Variants in CDC26 observed in about 807,000 individuals in gnomAD.
CDC26 encodes anaphase-promoting complex subunit CDC26.
CDC26 carries 2 observed loss-of-function variants against 8.0 expected under a neutral mutation model. The ratio of observed to expected loss-of-function variants is 0.25; its 90% CI spans 0.10 to 0.79. The LOEUF (loss-of-function observed/expected upper bound fraction) is 0.79, where lower values mean the gene tolerates loss of function less well. CDC26 is among the 30% of genes least tolerant of loss of function. CDC26 has a pLI of 0.70. For synonymous variants in CDC26, 19 were observed against 34.9 expected, an observed-to-expected ratio of 0.55 and a Z score of 1.60; for missense variants, 68 against 106.0, an observed-to-expected ratio of 0.64 and a Z score of 1.57.
chr9:113,272,555 A>G lies in CDC26; in HGVS notation c.-41-7T>C. The G allele has an allele frequency of 1.4e-6, 2 of 1,403,926 alleles. No individual in the cohort carries two copies. The highest frequency in any genetic ancestry group is 2.0e-6 in the Non-Finnish European group (2 of 991,888). 87.0% of individuals were successfully genotyped at this position (1,403,926 alleles called of 1,614,324 possible). On this transcript the variant is annotated splice_polypyrimidine_tract_variant and splice_region_variant and intron_variant, in intron 2 of 3. Transcript: ENST00000374206. The stretch of plus-strand genomic sequence containing the variant: ...AAACCCAGTGAACTATTAGCTGTTA[A>G]AAATGAAAGAGAGGAGGAAAATCTG...
intron 3 of CDC26, among the ~76,000 whole-genome samples, chr9:113,268,281 G>C (rs943475855): frequency 6.6e-6 from 1 of 152,182 alleles, no homozygotes; most frequent in Non-Finnish European, 1.5e-5. Context: ...TAGCCTGACT[G>C]ATCCCATGAG....
Position 113,267,324 on chromosome 9 carries a change from C to A in CDC26, c.197G>T (p.Gly66Val). The A allele has an allele frequency of 1.3e-6, 2 of 1,594,142 alleles. No individual in the cohort carries two copies. The highest frequency in any genetic ancestry group is 1.7e-6 in the Non-Finnish European group (2 of 1,170,616). The stretch of plus-strand genomic sequence containing the variant: ...ATTGGGCTTGGGTTGGGGTTTATAA[C>A]CAATCCGATCATTGATCATTTGTTC... ...SREQMINDRIGYKPQPKPNNR... is the reference protein window; with the variant it reads ...SREQMINDRIVYKPQPKPNNR... The change falls in exon 4 of 4, where the codon GGT becomes GTT. Residue 66 changes from glycine (G) to valine (V), a missense_variant. Coordinates refer to ENST00000374206, the MANE Select transcript of CDC26 (RefSeq NM_139286.4).
chr9:113,275,402 C>A lies in CDC26; in HGVS notation c.-172G>T, dbSNP rs985309350. The A allele has an allele frequency of 3.8e-5, 11 of 285,760 alleles. No individual in the cohort carries two copies. The South Asian group carries it at 7.9e-4, about 20-fold the overall frequency. 17.7% of individuals were successfully genotyped at this position (285,760 alleles called of 1,614,324 possible). On this transcript the variant is annotated 5_prime_UTR_variant, in exon 1 of 4. Coordinates refer to ENST00000374206, the MANE Select transcript of CDC26 (RefSeq NM_139286.4). ...CCTACCTCTTTTCAAGCCGGCCTAGCCCCTTCCCGGAACCTCGGCTCCCCC... is the reference window on the plus strand; with the variant it reads ...CCTACCTCTTTTCAAGCCGGCCTAGACCCTTCCCGGAACCTCGGCTCCCCC...
At chr9:113,268,784 C>A (rs1341615982) in intron 3 of CDC26, among the ~76,000 whole-genome samples, 6 of 151,976 alleles carry the variant, frequency 3.9e-5, no homozygotes, top group Admixed American at 3.9e-4. Context: ...TAGACTGAGT[C>A]TCTGTCTGTT....
chr9:113,267,911 AG>A (rs1401483299), intron 3 of CDC26, among the ~76,000 whole-genome samples: 1 of 152,134 alleles, frequency 6.6e-6, no homozygotes, highest in African/African-American at 2.4e-5. Context: ...CGCTTGAACC[AG>A]GAAGTCGGAG....
At chr9:113,274,537 A>C (rs560954830) in intron 1 of CDC26, among the ~76,000 whole-genome samples, 1 of 131,836 alleles carries the variant, frequency 7.6e-6, no homozygotes, top group African/African-American at 2.5e-5. Flanking sequence ...TAAAAGGGGG[A>C]AAAAAAAATC....
At chr9:113,275,270 CG>C (rs1832044798) in intron 1 of CDC26, 111 bp downstream of exon 1, 1 of 155,042 alleles carries the variant, frequency 6.4e-6, no homozygotes, top group Admixed American at 6.5e-5. Context: ...ACATGGTCCT[CG>C]GCTCCAAGAA....
intron 2 of CDC26, 138 bp from the exon 3 acceptor site, chr9:113,272,686 A>G (rs915636526): frequency 3.8e-6 from 2 of 527,242 alleles, no homozygotes; most frequent in Non-Finnish European, 6.7e-6. Flanking sequence ...ATAGACTTCT[A>G]AAGTCTTTTT....
intron 3 of CDC26, 151 bp from the exon 4 acceptor site, chr9:113,267,590 G>A (rs1831883121): frequency 1.9e-6 from 2 of 1,029,110 alleles, no homozygotes; most frequent in Admixed American, 2.8e-5. Flanking sequence ...GAGTACTTAG[G>A]GGCACAATGA....
chr9:113,274,766 A>C (rs1351419412), intron 1 of CDC26, among the ~76,000 whole-genome samples: 1 of 152,236 alleles, frequency 6.6e-6, no homozygotes, highest in East Asian at 1.9e-4. Context: ...AATACAGAGT[A>C]AGCTCTTGGA....
rs1832049813 is a variant in CDC26, at chr9:113,275,394, C to T, written c.-164G>A. 3.9e-6 allele frequency: 1 copy of T among 255,540 alleles called. No individual in the cohort carries two copies. The allele number at this position is 255,540 out of a possible 1,614,324, so 15.8% of individuals were successfully genotyped here. A position where few individuals can be genotyped will look rare whatever the true frequency, so the allele number is the denominator to read the frequency against. On this transcript the variant is annotated 5_prime_UTR_variant, in exon 1 of 4. Coordinates refer to ENST00000374206, the MANE Select transcript of CDC26 (RefSeq NM_139286.4). ...TCGACTCACCTACCTCTTTTCAAGC[C>T]GGCCTAGCCCCTTCCCGGAACCTCG...
chr9:113,270,812 C>A (rs1042390910), intron 3 of CDC26, among the ~76,000 whole-genome samples: 1 of 152,162 alleles, frequency 6.6e-6, no homozygotes, highest in Non-Finnish European at 1.5e-5. Flanking sequence ...CATACAAAAT[C>A]TTGTAGGCCA....
At position 113,272,415 on chromosome 9, in the gene CDC26, T is replaced by C. The variant is rs1186853164; in HGVS notation, c.81+12A>G. On this transcript the variant is annotated intron_variant, in intron 3 of 3. Transcript: ENST00000374206. The stretch of plus-strand genomic sequence containing the variant: ...GACTCCATCTCAAAAAAACACAAAG[T>C]TGTATTCATACCTCCAGGTCCTTTC... 7.5e-6 allele frequency: 12 copies of C among 1,600,340 alleles called. No homozygotes were observed. The highest frequency in any genetic ancestry group is 1.0e-5 in the Non-Finnish European group (12 of 1,169,270).
chr9:113,272,398 C>G lies in CDC26; in HGVS notation c.81+29G>C, dbSNP rs139063945. On this transcript the variant is annotated intron_variant, in intron 3 of 3. Transcript: ENST00000374206. ...CCTGTGTGACAGAGCGAGACTCCAT[C>G]TCAAAAAAACACAAAGTTGTATTCA... 1,477 of 1,554,106 alleles carry G rather than the reference C, an allele frequency of 9.5e-4. 2 individuals are homozygous for G. The highest frequency in any genetic ancestry group is 1.3e-3 in the Non-Finnish European group (1,421 of 1,127,392).
Position 113,275,442 on chromosome 9 carries a change from G to A in CDC26, c.-212C>T. 2 of 369,286 alleles carry A rather than the reference G, an allele frequency of 5.4e-6. No homozygotes were observed. The highest frequency in any genetic ancestry group is 1.2e-4 in the South Asian group (2 of 16,130). 22.9% of individuals were successfully genotyped at this position (369,286 alleles called of 1,614,324 possible). ...TCGGCTCCCCCCCAACGAAACTACTGCTAAGCCAACTGGACTACACTTCCC... is the reference window on the plus strand; with the variant it reads ...TCGGCTCCCCCCCAACGAAACTACTACTAAGCCAACTGGACTACACTTCCC... On this transcript the variant is annotated 5_prime_UTR_variant, in exon 1 of 4. Coordinates refer to ENST00000374206, the MANE Select transcript of CDC26 (RefSeq NM_139286.4).
rs893764381 is a variant in CDC26 at position 113,267,311 on chromosome 9, T to G, written c.210A>C (p.Gln70His). Reference sequence around the variant, plus strand: ...GAGATGAACGATTATTGGGCTTGGGTTGGGGTTTATAACCAATCCGATCAT... The same window carrying G: ...GAGATGAACGATTATTGGGCTTGGGGTGGGGTTTATAACCAATCCGATCAT... ...MINDRIGYKPQPKPNNRSSQF... is the reference protein window; with the variant it reads ...MINDRIGYKPHPKPNNRSSQF... The change falls in exon 4 of 4, where the codon CAA becomes CAC. Residue 70 changes from glutamine to histidine, a missense_variant. Gln to His is a conservative substitution (Grantham distance 24). Transcript: ENST00000374206. 5.1e-6 allele frequency: 8 copies of G among 1,577,332 alleles called. No individual in the cohort carries two copies. Among genetic ancestry groups the G allele is most frequent in the South Asian group, 1.2e-5 (1 of 86,234 alleles).
chr9:113,274,616 A>G (rs1490044798), intron 1 of CDC26, among the ~76,000 whole-genome samples: 1 of 152,184 alleles, frequency 6.6e-6, no homozygotes, highest in Admixed American at 6.5e-5. Context: ...TTAACAGTTA[A>G]AAGTGCTGGC....
intron 2 of CDC26, among the ~76,000 whole-genome samples, chr9:113,272,821 A>G (rs982236154): frequency 6.6e-6 from 1 of 151,854 alleles, no homozygotes; most frequent in Admixed American, 6.6e-5. Context: ...CCTCCAGAGT[A>G]GCTGGGACTA....
Position 113,269,362 on chromosome 9 carries a change from T to C in CDC26, c.82-1923A>G, listed in dbSNP as rs1831917600. Among the ~76,000 whole-genome samples the C allele has an allele frequency of 2.0e-5, 3 of 152,352 alleles. No individual in the cohort carries two copies. The South Asian group carries it at 6.2e-4, about 32-fold the overall frequency. On this transcript the variant is annotated intron_variant, in intron 3 of 3. Coordinates refer to ENST00000374206, the MANE Select transcript of CDC26 (RefSeq NM_139286.4). ...GTTAGAAAGTTCTACCTAAATACCT[T>C]TGTGAAAACAAGTTCGAAAAGGCAA...
Sources: allele counts gnomAD v4.1 joint callset (sites outside exome capture counted in the v4.1 genomes callset), GRCh38; gene constraint gnomAD v4.1.1; transcripts MANE v1.5; gene names NCBI Gene and HGNC (gene_info 2026-07-23, HGNC 2026-07-21).